The following AK8 variants were observed in gnomAD, a reference collection of about 807,000 sequenced individuals.
AK8 encodes the protein ATP-AMP transphosphorylase 8.
In AK8, 44 loss-of-function variants were observed where a neutral mutation model predicts 54.6. The observed-to-expected ratio is 0.81, with a 90% CI of 0.63 to 1.04. AK8 has a LOEUF of 1.04. Among genes scored for constraint, AK8 ranks in the 50% least tolerant of loss-of-function variants. The pLI is 0.00. For synonymous variants in AK8, 239 were observed against 245.6 expected (o/e 0.97, Z 0.25); for missense variants, 555 against 613.6 (o/e 0.90, Z 1.01).
At chr9:132,782,076 A>C (rs1478964639) in intron 11 of AK8, among the ~76,000 whole-genome samples, 2 of 152,160 alleles carry the variant, frequency 1.3e-5, no homozygotes, top group East Asian at 3.8e-4. Flanking sequence ...AAATAAATTA[A>C]ATTGGCATTC....
chr9:132,814,278 CAAAA>C (rs71376658), intron 10 of AK8, among the ~76,000 whole-genome samples: 1 of 63,890 alleles, frequency 1.6e-5, no homozygotes, highest in Admixed American at 2.0e-4. Flanking sequence ...TACCCTGTCT[CAAAA>C]AAAAAAAAAA....
At chr9:132,810,170 G>A (rs1341911531) in intron 10 of AK8, among the ~76,000 whole-genome samples, 4 of 152,216 alleles carry the variant, frequency 2.6e-5, no homozygotes, top group African/African-American at 4.8e-5. Context: ...TATTGCTTCC[G>A]TTAGGGAGAT....
chr9:132,854,546 C>A (rs1237226456), intron 5 of AK8, among the ~76,000 whole-genome samples: 2 of 152,242 alleles, frequency 1.3e-5, no homozygotes, highest in Non-Finnish European at 2.9e-5. Flanking sequence ...TGGCGCCTCA[C>A]CATCACTTGT....
intron 10 of AK8, among the ~76,000 whole-genome samples, chr9:132,805,000 C>T (rs1014174293): frequency 1.3e-4 from 20 of 152,052 alleles, no homozygotes; most frequent in Admixed American, 6.5e-4. Context: ...CTGCACCTGC[C>T]GTTGGGGGGT....
At chr9:132,780,600 A>C (rs1317105647) in intron 11 of AK8, among the ~76,000 whole-genome samples, 1 of 152,198 alleles carries the variant, frequency 6.6e-6, no homozygotes, top group Non-Finnish European at 1.5e-5. Flanking sequence ...TTATTTAAAC[A>C]ACAATAATAC....
intron 11 of AK8, among the ~76,000 whole-genome samples, chr9:132,745,438 G>A (rs1590185846): frequency 6.6e-6 from 1 of 152,154 alleles, no homozygotes; most frequent in African/African-American, 2.4e-5. Context: ...TGTCGCGGCT[G>A]TAATGTGGAG....
chr9:132,872,806 G>A (rs904206918), intron 2 of AK8, among the ~76,000 whole-genome samples: 3 of 151,878 alleles, frequency 2.0e-5, no homozygotes, highest in African/African-American at 7.3e-5. Flanking sequence ...GTTAATTTTT[G>A]TATTTTTGTT....
intron 11 of AK8, among the ~76,000 whole-genome samples, chr9:132,740,881 A>G (rs896434953): frequency 4.6e-5 from 7 of 152,184 alleles, no homozygotes; most frequent in African/African-American, 1.4e-4. Flanking sequence ...GATGCAGAAG[A>G]GTTGACCAAT....
At chr9:132,870,551 C>T (rs1263803530) in intron 2 of AK8, among the ~76,000 whole-genome samples, 2 of 152,258 alleles carry the variant, frequency 1.3e-5, no homozygotes, top group African/African-American at 2.4e-5. Context: ...CCATCGCCTG[C>T]TTTAATATTG....
chr9:132,838,228 A>G (rs1370895525), intron 5 of AK8, among the ~76,000 whole-genome samples: 2 of 147,962 alleles, frequency 1.4e-5, no homozygotes, highest in African/African-American at 4.9e-5. Flanking sequence ...GCAGGGAAGC[A>G]TAAATCTAAG....
intron 11 of AK8, among the ~76,000 whole-genome samples, chr9:132,783,927 C>G (rs1283363729): frequency 6.6e-6 from 1 of 152,118 alleles, no homozygotes; most frequent in African/African-American, 2.4e-5. Context: ...AAGCCACCAG[C>G]AGAAAATCCG....
chr9:132,755,363 C>T (rs1035451658), intron 11 of AK8, among the ~76,000 whole-genome samples: 3 of 152,166 alleles, frequency 2.0e-5, no homozygotes, highest in African/African-American at 7.2e-5. Flanking sequence ...CAGCCGAGCA[C>T]CCGAGCGCCT....
intron 2 of AK8, among the ~76,000 whole-genome samples, chr9:132,870,473 T>C (rs902246628): frequency 2.0e-5 from 3 of 152,344 alleles, no homozygotes; most frequent in Non-Finnish European, 2.9e-5. Context: ...CCCTTAGGTA[T>C]TGGAGCTCTA....
At position 132,769,057 on chromosome 9, in the gene AK8, G is replaced by C. The variant is rs1333492384; in HGVS notation, c.1121+23577C>G. On this transcript the variant is annotated intron_variant, in intron 11 of 12. Coordinates refer to ENST00000298545, the MANE Select transcript of AK8 (RefSeq NM_152572.3). The stretch of plus-strand genomic sequence containing the variant: ...AGGCTGGGAGGAGGGCCAGGGGCAA[G>C]TAAGTGCTAGGAGGGGAAATGGGAG... 3 of 140,748 alleles carry C rather than the reference G, an allele frequency of 2.1e-5. No homozygotes were observed. In the South Asian group the frequency reaches 7.7e-4, roughly 36 times the overall value. 8.7% of individuals were successfully genotyped at this position (140,748 alleles called of 1,614,324 possible).
intron 11 of AK8, among the ~76,000 whole-genome samples, chr9:132,732,921 T>C (rs1176781445): frequency 1.3e-5 from 2 of 152,168 alleles, no homozygotes; most frequent in African/African-American, 4.8e-5. Context: ...TTAAAACAAC[T>C]ATGAGTCCCT....
chr9:132,857,793 A>T (rs1843233411), intron 4 of AK8, among the ~76,000 whole-genome samples: 1 of 152,194 alleles, frequency 6.6e-6, no homozygotes, highest in South Asian at 2.1e-4. Flanking sequence ...CAGCCTGCAC[A>T]GCAGGGGACA....
intron 4 of AK8, among the ~76,000 whole-genome samples, chr9:132,863,374 A>G (rs906690088): frequency 6.6e-6 from 1 of 152,244 alleles, no homozygotes; most frequent in Non-Finnish European, 1.5e-5. Flanking sequence ...GAAGAAAAAG[A>G]GCAAGCCTGG....
At chr9:132,830,913 T>C (rs1842077796) in intron 5 of AK8, among the ~76,000 whole-genome samples, 2 of 152,350 alleles carry the variant, frequency 1.3e-5, no homozygotes, top group East Asian at 3.9e-4. Flanking sequence ...ACTCTTTACA[T>C]GTAAATAGTA....
rs1399311239 is a variant in AK8 at position 132,803,572 on chromosome 9, A to C, written c.980-10797T>G. On this transcript the variant is annotated intron_variant, in intron 10 of 12. Coordinates refer to ENST00000298545, the MANE Select transcript of AK8 (RefSeq NM_152572.3). The surrounding 1 kb of genome is among the most constrained non-coding windows in gnomAD (Gnocchi z 4.4). ...GACACAATTCCCTTTATATAGAGCA[A>C]GCCAACAAATGGGATCCTAGGAAAG... Among the ~76,000 whole-genome samples, 1 of 152,180 alleles carries C rather than the reference A, an allele frequency of 6.6e-6. No individual in the cohort carries two copies. The highest frequency in any genetic ancestry group is 1.9e-4 in the East Asian group (1 of 5,190).
Sources: allele counts gnomAD v4.1 joint callset (sites outside exome capture counted in the v4.1 genomes callset), GRCh38; gene constraint gnomAD v4.1.1; non-coding constraint Gnocchi (gnomAD v3.1); transcripts MANE v1.5; gene names NCBI Gene and HGNC (gene_info 2026-07-23, HGNC 2026-07-21).